The following CLVS1 variants were observed in gnomAD, a reference collection of about 807,000 sequenced individuals.
CLVS1 encodes the protein clavesin 1.
A neutral mutation model predicts 33.1 loss-of-function variants in CLVS1; 10 were observed. That is an observed-to-expected ratio of 0.30 (90% CI 0.19 to 0.51). The LOEUF (loss-of-function observed/expected upper bound fraction) is 0.51, where lower values mean the gene tolerates loss of function less well. Ranked by LOEUF, CLVS1 falls within the 20% of genes least tolerant of loss-of-function variation. CLVS1 has a pLI of 0.97. For missense variants in CLVS1, 343 were observed against 433.4 expected (o/e 0.79, Z 1.85); for synonymous variants, 163 against 166.1 (o/e 0.98, Z 0.14).
At chr8:61,436,938 G>A (rs576658915) in intron 3 of CLVS1, among the ~76,000 whole-genome samples, 65 of 152,316 alleles carry the variant, frequency 4.3e-4, no homozygotes, top group Non-Finnish European at 8.4e-4. Flanking sequence ...AAGGCCAGAT[G>A]CTTGAGGTTT....
chr8:61,496,819 G>A (rs1011925415), intron 5 of CLVS1, among the ~76,000 whole-genome samples: 2 of 152,178 alleles, frequency 1.3e-5, no homozygotes, highest in Admixed American at 6.5e-5. Context: ...AGGAACACTC[G>A]ATGTTTTAGC....
At chr8:60,987,853 C>T in the CLVS1 span, among the ~76,000 whole-genome samples, 1 of 152,060 alleles carries the variant, frequency 6.6e-6, no homozygotes, top group Non-Finnish European at 1.5e-5. Context: ...ATTGCTTGAG[C>T]CAGGAGTTCA....
chr8:60,991,981 CAAGTG>C, the CLVS1 span, among the ~76,000 whole-genome samples: 1 of 152,146 alleles, frequency 6.6e-6, no homozygotes, highest in Non-Finnish European at 1.5e-5. Flanking sequence ...CTCCTGATCT[CAAGTG>C]ATCCACCCGC....
chr8:61,196,298 C>T (rs1044309290), intron 2 of CLVS1, among the ~76,000 whole-genome samples: 9 of 146,022 alleles, frequency 6.2e-5, no homozygotes, highest in African/African-American at 2.2e-4. Context: ...TGACATGTGC[C>T]ATATGAGTAA....
At chr8:61,493,634 G>A (rs1804173103) in intron 5 of CLVS1, among the ~76,000 whole-genome samples, 1 of 152,128 alleles carries the variant, frequency 6.6e-6, no homozygotes, top group Non-Finnish European at 1.5e-5. Context: ...TTATTTGGGG[G>A]AAAAATCTGA....
chr8:61,051,683 G>T, the CLVS1 span, among the ~76,000 whole-genome samples: 1 of 152,268 alleles, frequency 6.6e-6, no homozygotes, highest in Non-Finnish European at 1.5e-5. Context: ...TGGCTGAGCT[G>T]ACTGGGTGTC....
chr8:61,069,470 A>G (rs1012869127), intron 1 of CLVS1, among the ~76,000 whole-genome samples: 1 of 151,056 alleles, frequency 6.6e-6, no homozygotes, highest in Non-Finnish European at 1.5e-5. Flanking sequence ...AATTATTTGC[A>G]TACTTGAGTA....
At chr8:60,992,437 C>A in the CLVS1 span, among the ~76,000 whole-genome samples, 1 of 152,118 alleles carries the variant, frequency 6.6e-6, no homozygotes. Flanking sequence ...CCCTGAGAAG[C>A]AAAGAAAGAG....
chr8:61,034,511 T>C, the CLVS1 span, among the ~76,000 whole-genome samples: 1 of 152,156 alleles, frequency 6.6e-6, no homozygotes, highest in African/African-American at 2.4e-5. Flanking sequence ...CTTTGTACCA[T>C]TTGACCAACA....
chr8:60,973,774 G>C, the CLVS1 span, among the ~76,000 whole-genome samples: 2 of 152,116 alleles, frequency 1.3e-5, no homozygotes, highest in Non-Finnish European at 2.9e-5. Context: ...GCTCATGCTC[G>C]AGCTCACTCG....
the CLVS1 span, among the ~76,000 whole-genome samples, chr8:60,989,623 G>A: frequency 1.1e-4 from 17 of 152,100 alleles, no homozygotes; most frequent in Admixed American, 3.9e-4. Context: ...TAATGTGGGC[G>A]TTTCAATGTC....
chr8:61,302,533 G>C (rs1401719879), intron 2 of CLVS1, among the ~76,000 whole-genome samples: 1 of 152,130 alleles, frequency 6.6e-6, no homozygotes, highest in Non-Finnish European at 1.5e-5. Flanking sequence ...CAAACATATA[G>C]ATGGCTCACT....
intron 1 of CLVS1, among the ~76,000 whole-genome samples, chr8:61,062,097 C>G (rs1441207459): frequency 6.6e-6 from 1 of 152,168 alleles, no homozygotes; most frequent in African/African-American, 2.4e-5. Context: ...ATGAACATCA[C>G]TGGACAGGGA....
intron 2 of CLVS1, among the ~76,000 whole-genome samples, chr8:61,234,062 A>T (rs1585710069): frequency 6.6e-6 from 1 of 152,168 alleles, no homozygotes; most frequent in South Asian, 2.1e-4. Context: ...CTACTTGGGA[A>T]GGGATGATGG....
intron 2 of CLVS1, among the ~76,000 whole-genome samples, chr8:61,223,283 T>A (rs1289286045): frequency 6.6e-6 from 1 of 152,192 alleles, no homozygotes; most frequent in Admixed American, 6.5e-5. Context: ...CATTGGTCTT[T>A]ATATTTTGGT....
chr8:61,150,603 G>A (rs113567491), intron 2 of CLVS1, among the ~76,000 whole-genome samples: 1,995 of 152,288 alleles, frequency 0.013, 46 homozygotes, highest in African/African-American at 0.046. Context: ...CAGATCAGCA[G>A]TCCAGCAGAG....
intron 5 of CLVS1, among the ~76,000 whole-genome samples, chr8:61,466,482 C>G (rs1817550006): frequency 1.3e-5 from 2 of 152,112 alleles, no homozygotes; most frequent in Admixed American, 6.5e-5. Flanking sequence ...CAGGCTTATT[C>G]AGGGGTGTAG....
chr8:61,203,398 T>C (rs992736628), intron 2 of CLVS1, among the ~76,000 whole-genome samples: 1 of 152,190 alleles, frequency 6.6e-6, no homozygotes, highest in Admixed American at 6.5e-5. Flanking sequence ...GCCTGTTTAG[T>C]TTTTAAAGAT....
chr8:61,116,979 A>G (rs1391000315), intron 1 of CLVS1, among the ~76,000 whole-genome samples: 4 of 144,134 alleles, frequency 2.8e-5, no homozygotes, highest in Admixed American at 1.4e-4. Context: ...CCATTTTCAC[A>G]ATATTGATTC....
Sources: allele counts gnomAD v4.1 joint callset (sites outside exome capture counted in the v4.1 genomes callset), GRCh38; gene constraint gnomAD v4.1.1; transcripts MANE v1.5; gene names NCBI Gene and HGNC (gene_info 2026-07-23, HGNC 2026-07-21).